SNX13: variants seen among roughly 807,000 people sequenced by gnomAD.
The protein encoded by SNX13 is sorting nexin 13.
Under a neutral mutation model 133.6 loss-of-function variants are expected in SNX13, and 45 were observed. The ratio of observed to expected loss-of-function variants is 0.34; its 90% confidence interval spans 0.27 to 0.43. The LOEUF (loss-of-function observed/expected upper bound fraction) is 0.43. SNX13 is among the 20% of genes least tolerant of loss of function. SNX13 has a pLI of 1.00. For synonymous variants in SNX13, 414 were observed against 373.9 expected (o/e 1.11, Z -1.24); for missense variants, 1,032 against 1,145.1 (o/e 0.90, Z 1.43).
At chr7:17,799,597 G>T (rs559430776) in intron 22 of SNX13, among the ~76,000 whole-genome samples, 1 of 151,814 alleles carries the variant, frequency 6.6e-6, no homozygotes, top group East Asian at 1.9e-4. Flanking sequence ...AATGTATTTT[G>T]CTTAGTTAGT....
chr7:17,882,810 G>C (rs1224876063), intron 5 of SNX13: 58 of 1,247,040 alleles, frequency 4.7e-5, no homozygotes, highest in Non-Finnish European at 5.7e-5. Flanking sequence ...TTCAGAGCCA[G>C]AATTTAAATT....
intron 11 of SNX13, 136 bp from the exon 12 acceptor site, chr7:17,845,830 C>T: frequency 1.8e-6 from 1 of 558,168 alleles, no homozygotes; most frequent in Non-Finnish European, 3.2e-6. Context: ...CATGTTGTTT[C>T]CCAATAGATA....
intron 25 of SNX13, 192 bp from the exon 26 acceptor site, chr7:17,794,484 T>A: frequency 1.6e-6 from 1 of 633,758 alleles, no homozygotes; most frequent in Non-Finnish European, 2.6e-6. Flanking sequence ...TTTACGCACT[T>A]AATGCAAAAG....
chr7:17,907,447 T>G (rs1002395437), intron 1 of SNX13: 2 of 152,184 alleles, frequency 1.3e-5, no homozygotes, highest in Non-Finnish European at 2.9e-5. Flanking sequence ...AAACTGACAA[T>G]GTTTTACCTG....
intron 5 of SNX13, chr7:17,880,519 C>A (rs148306320): frequency 9.9e-5 from 15 of 152,206 alleles, no homozygotes; most frequent in Non-Finnish European, 7.4e-5. Flanking sequence ...TCAGGTCACA[C>A]TACAGACTAA....
Position 17,798,709 on chromosome 7 carries a change from C to A in SNX13, c.2494G>T (p.Asp832Tyr), listed in dbSNP as rs369618473. 10 of 1,576,540 alleles carry A rather than the reference C, an allele frequency of 6.3e-6. No homozygotes were observed. In the African/African-American group the frequency reaches 1.4e-4, roughly 21 times the overall value. Reference protein sequence around the residue: ...DWMTSPEQVADSVKRFRDAFW... With the variant: ...DWMTSPEQVAYSVKRFRDAFW... ...ATATACCTGAAACGTTTCACTGAGT[C>A]GGCTACTTGTTCAGGTGAAGTCATC... Residue 832 changes from aspartate to tyrosine, a missense_variant, in exon 24 of 26, where the codon GAC becomes TAC. Transcript: ENST00000428135.
chr7:17,860,896 G>A (rs987185212), intron 9 of SNX13, among the ~76,000 whole-genome samples: 1 of 152,160 alleles, frequency 6.6e-6, no homozygotes, highest in Non-Finnish European at 1.5e-5. Flanking sequence ...GAAGGGTGAG[G>A]TGCAAAGAAA....
intron 12 of SNX13, among the ~76,000 whole-genome samples, chr7:17,845,080 C>G (rs1215505456): frequency 6.6e-6 from 1 of 151,672 alleles, no homozygotes; most frequent in Non-Finnish European, 1.5e-5. Context: ...ACTGGAAGTA[C>G]TAGGCAGAGA....
intron 15 of SNX13, chr7:17,831,633 G>A: frequency 2.0e-6 from 2 of 983,940 alleles, no homozygotes; most frequent in Non-Finnish European, 2.4e-6. Context: ...AGGCTCAAAT[G>A]TAGACTACTT....
intron 1 of SNX13, among the ~76,000 whole-genome samples, chr7:17,901,437 G>A (rs909224985): frequency 6.6e-6 from 1 of 152,118 alleles, no homozygotes; most frequent in Admixed American, 6.5e-5. Flanking sequence ...TAGGACCCCC[G>A]AGCACATTAG....
chr7:17,901,173 G>A (rs767383097), intron 1 of SNX13, among the ~76,000 whole-genome samples: 2 of 152,096 alleles, frequency 1.3e-5, no homozygotes, highest in Non-Finnish European at 2.9e-5. Context: ...TCCTACTGTG[G>A]CTAAGCTGGT....
At chr7:17,930,662 T>C (rs1457188140) in intron 1 of SNX13, among the ~76,000 whole-genome samples, 4 of 152,186 alleles carry the variant, frequency 2.6e-5, no homozygotes, top group Non-Finnish European at 5.9e-5. Flanking sequence ...AGTATATTAT[T>C]TCAGTTTCTT....
chr7:17,930,788 C>T (rs1053718774), intron 1 of SNX13, among the ~76,000 whole-genome samples: 18 of 152,046 alleles, frequency 1.2e-4, no homozygotes, highest in Non-Finnish European at 2.4e-4. Flanking sequence ...GGGTTAGTGG[C>T]GGGGAGTGGG....
intron 1 of SNX13, among the ~76,000 whole-genome samples, chr7:17,911,285 A>G (rs558166065): frequency 6.6e-6 from 1 of 152,218 alleles, no homozygotes; most frequent in African/African-American, 2.4e-5. Flanking sequence ...TCTGAAAAAC[A>G]AAGTGTGAAG....
At chr7:17,861,340 TCTCACACA>T (rs1314878631) in intron 9 of SNX13, among the ~76,000 whole-genome samples, 3 of 89,066 alleles carry the variant, frequency 3.4e-5, no homozygotes, top group African/African-American at 4.5e-5. Flanking sequence ...CATACAGTTA[TCTCACACA>T]CACACACACA....
intron 16 of SNX13, among the ~76,000 whole-genome samples, chr7:17,828,484 C>T (rs763880350): frequency 6.6e-6 from 1 of 151,552 alleles, no homozygotes; most frequent in Non-Finnish European, 1.5e-5. Flanking sequence ...AATTTACCTA[C>T]CAAGCTACCA....
rs573805789 is a variant in SNX13 at position 17,838,240 on chromosome 7, C to A, written c.1359+1567G>T. On this transcript the variant is annotated intron_variant, in intron 13 of 25. Coordinates refer to ENST00000428135, the MANE Select transcript of SNX13 (RefSeq NM_015132.5). ...TGGCAATCTGTGTCTAAAAATTTGT[C>A]CACTTTAAGTTGTTTAATTTGTTGT... Among the ~76,000 whole-genome samples, 5 of 151,906 alleles carry A rather than the reference C, an allele frequency of 3.3e-5. No homozygotes were observed. In the South Asian group the frequency reaches 1.0e-3, roughly 32 times the overall value.
chr7:17,859,541 C>G (rs960457160), intron 9 of SNX13, among the ~76,000 whole-genome samples: 2 of 152,024 alleles, frequency 1.3e-5, no homozygotes, highest in African/African-American at 4.8e-5. Flanking sequence ...TGGTCAAAAA[C>G]AGAAAACATA....
chr7:17,796,831 C>G lies in SNX13; in HGVS notation c.2622G>C (p.Met874Ile). 6.2e-7 allele frequency: 1 copy of G among 1,600,500 alleles called. No individual in the cohort carries two copies. Among genetic ancestry groups the G allele is most frequent in the Non-Finnish European group, 8.6e-7 (1 of 1,168,902 alleles). The change falls in exon 25 of 26, where the codon ATG (methionine) becomes ATC (isoleucine). Residue 874 changes from methionine (M) to isoleucine (I), a missense_variant. By Grantham distance (10) the Met-to-Ile change is conservative. Transcript: ENST00000428135. The stretch of plus-strand genomic sequence containing the variant: ...TAACTATACATGCTCACTCACCTGG[C>G]ATAATTGCAAGTAATTTCGTTTTTC... The part of the protein sequence containing the change: ...VAGKTKLLAI[M>I]PDELKHIIGA...
Sources: gnomAD v4.1 joint callset for allele counts (sites outside exome capture counted in the v4.1 genomes callset) on GRCh38, gnomAD v4.1.1 for gene constraint, MANE v1.5 for transcripts, NCBI Gene and HGNC (gene_info 2026-07-23, HGNC 2026-07-21) for gene names.